The following MCC variants were observed in gnomAD, a reference collection of about 807,000 sequenced individuals.
MCC encodes MCC regulator of Wnt signaling pathway, also known as colorectal mutant cancer protein.
In MCC, 90 loss-of-function variants were observed where a neutral mutation model predicts 116.2. The observed-to-expected ratio is 0.77, with a 90% CI of 0.65 to 0.92. The LOEUF (loss-of-function observed/expected upper bound fraction) is 0.92, where lower values mean the gene tolerates loss of function less well. Among genes scored for constraint, MCC ranks in the 40% least tolerant of loss-of-function variants. The pLI, the probability that MCC is intolerant of heterozygous loss-of-function variation, is 0.00. For missense variants in MCC, 1,516 were observed against 1,312.2 expected (o/e 1.16, Z -2.40); for synonymous variants, 578 against 510.5 (o/e 1.13, Z -1.78).
chr5:113,420,562 A>C (rs1385835843), intron 1 of MCC, among the ~76,000 whole-genome samples: 5 of 152,234 alleles, frequency 3.3e-5, no homozygotes, highest in African/African-American at 9.6e-5. Flanking sequence ...ACAGATTCCC[A>C]AAACTGAAGT....
At chr5:113,063,938 G>A (rs1385668397) in intron 14 of MCC, 46 bp downstream of exon 14, 2 of 1,559,794 alleles carry the variant, frequency 1.3e-6, no homozygotes, top group Non-Finnish European at 1.7e-6. Context: ...GTGAACAGAT[G>A]CCATGTGGAC....
intron 1 of MCC, among the ~76,000 whole-genome samples, chr5:113,418,870 C>T (rs3846721): frequency 0.19 from 28,279 of 152,070 alleles, 3,167 homozygotes; most frequent in Admixed American, 0.31. Context: ...AGTTTCCATG[C>T]TGCATCAAGC....
At chr5:113,146,426 A>G (rs1256132547) in intron 4 of MCC, among the ~76,000 whole-genome samples, 1 of 150,826 alleles carries the variant, frequency 6.6e-6, no homozygotes, top group African/African-American at 2.4e-5. Flanking sequence ...CCATTTACCT[A>G]AAAATCTTGG....
intron 3 of MCC, among the ~76,000 whole-genome samples, chr5:113,221,775 G>C (rs1234711663): frequency 6.6e-6 from 1 of 152,112 alleles, no homozygotes; most frequent in African/African-American, 2.4e-5. Flanking sequence ...TGAACAATCA[G>C]AACTCCCGAT....
At chr5:113,069,881 C>G (rs960495157) in intron 12 of MCC, among the ~76,000 whole-genome samples, 1 of 152,226 alleles carries the variant, frequency 6.6e-6, no homozygotes, top group African/African-American at 2.4e-5. Flanking sequence ...CCACCGCGCC[C>G]AGCGTCAATT....
At chr5:113,253,170 C>T (rs988409834) in intron 3 of MCC, among the ~76,000 whole-genome samples, 15 of 152,274 alleles carry the variant, frequency 9.9e-5, no homozygotes, top group African/African-American at 3.4e-4. Context: ...TAAACCACAG[C>T]AGAGCTTGGG....
chr5:113,026,038 GAA>G lies in MCC; in HGVS notation c.*1262_*1263del, dbSNP rs923114632. 1 of 152,118 alleles carries G rather than the reference GAA, an allele frequency of 6.6e-6. No homozygotes were observed. The highest frequency in any genetic ancestry group is 2.4e-5 in the African/African-American group (1 of 41,402). The allele number at this position is 152,118 out of a possible 1,614,324, so 9.4% of individuals were successfully genotyped here. ...AGTGTATCAGTGTAGAACTGAGAGAGAAGAGGTAAAACTGAAAAAGAATAATG... is the reference window on the plus strand; with the variant it reads ...AGTGTATCAGTGTAGAACTGAGAGAGGAGGTAAAACTGAAAAAGAATAATG... On this transcript the variant is annotated 3_prime_UTR_variant, in exon 19 of 19. Coordinates refer to ENST00000408903, the MANE Select transcript of MCC (RefSeq NM_001085377.2).
chr5:113,052,238 T>C (rs1440903112), intron 15 of MCC, among the ~76,000 whole-genome samples: 1 of 152,172 alleles, frequency 6.6e-6, no homozygotes, highest in Non-Finnish European at 1.5e-5. Context: ...AGAAACACAA[T>C]GTTTGGAACA....
At position 113,240,313 on chromosome 5, in the gene MCC, G is replaced by C. The variant is rs560955044; in HGVS notation, c.628-88891C>G. On this transcript the variant is annotated intron_variant, in intron 3 of 18. Transcript: ENST00000408903. The stretch of plus-strand genomic sequence containing the variant: ...TCTAGCCATGGGTAAGTCACTCCTG[G>C]ACTTATATGAGCTAATATTATTATT... Among the ~76,000 whole-genome samples, 86 of 152,156 alleles carry C rather than the reference G, an allele frequency of 5.7e-4. 3 individuals are homozygous for C. Among genetic ancestry groups the C allele is most frequent in the African/African-American group, 1.9e-3 (77 of 41,508 alleles).
chr5:113,174,445 A>G (rs75792912), intron 3 of MCC, among the ~76,000 whole-genome samples: 6,423 of 152,244 alleles, frequency 0.042, 199 homozygotes, highest in African/African-American at 0.079. Flanking sequence ...TATTTATTAT[A>G]GCAGTATAAT....
intron 6 of MCC, among the ~76,000 whole-genome samples, chr5:113,116,583 A>T (rs79778386): frequency 6.6e-6 from 1 of 152,242 alleles, no homozygotes; most frequent in Non-Finnish European, 1.5e-5. Flanking sequence ...AATGCTGTAG[A>T]TTAATGCCTT....
Position 113,026,983 on chromosome 5 carries a change from C to T in MCC, c.*319G>A. 3.4e-6 allele frequency: 1 copy of T among 296,288 alleles called. No individual in the cohort carries two copies. 18.4% of individuals were successfully genotyped at this position (296,288 alleles called of 1,614,324 possible). On this transcript the variant is annotated 3_prime_UTR_variant, in exon 19 of 19. Coordinates refer to ENST00000408903, the MANE Select transcript of MCC (RefSeq NM_001085377.2). ...ACAAATGTCTGGGATCCCACTGATG[C>T]ACAGCCGCCAGACCAGAAGAGGAGG... is the stretch of plus-strand genomic sequence containing the variant.
intron 3 of MCC, among the ~76,000 whole-genome samples, chr5:113,247,030 A>G (rs1764606410): frequency 6.6e-6 from 1 of 152,200 alleles, no homozygotes; most frequent in Non-Finnish European, 1.5e-5. Context: ...TCCATTTCAG[A>G]GTCTGCTCTT....
chr5:113,049,307 C>A lies in MCC; in HGVS notation c.2449-8G>T, dbSNP rs7726296. On this transcript the variant is annotated splice_region_variant and splice_polypyrimidine_tract_variant and intron_variant, in intron 15 of 18. Transcript: ENST00000408903. ...CAACTCGGCCATCTCCTCCTACAGA[C>A]AAAGGAGCACAGAGCACATGAGGCA... 4 of 1,565,832 alleles carry A rather than the reference C, an allele frequency of 2.6e-6. No individual in the cohort carries two copies. Among genetic ancestry groups the A allele is most frequent in the Non-Finnish European group, 3.5e-6 (4 of 1,153,740 alleles).
At chr5:113,117,564 C>T (rs1581098183) in intron 6 of MCC, among the ~76,000 whole-genome samples, 1 of 152,218 alleles carries the variant, frequency 6.6e-6, no homozygotes, top group East Asian at 1.9e-4. Context: ...AAAAATTTCT[C>T]ACCCAAAATC....
intron 3 of MCC, among the ~76,000 whole-genome samples, chr5:113,306,062 C>T (rs1195753988): frequency 1.3e-5 from 2 of 152,116 alleles, no homozygotes; most frequent in Admixed American, 6.5e-5. Flanking sequence ...AAGTTTTATC[C>T]ATGTTGTATA....
intron 2 of MCC, among the ~76,000 whole-genome samples, chr5:113,349,541 A>G (rs1481562411): frequency 3.3e-5 from 5 of 152,088 alleles, no homozygotes; most frequent in Non-Finnish European, 7.4e-5. Flanking sequence ...GAAGGGATAT[A>G]CCTAAACATA....
intron 3 of MCC, among the ~76,000 whole-genome samples, chr5:113,278,725 G>C (rs1364087725): frequency 6.6e-6 from 1 of 152,178 alleles, no homozygotes; most frequent in African/African-American, 2.4e-5. Flanking sequence ...CGTGGCTGGA[G>C]ATATAGGTGG....
intron 3 of MCC, among the ~76,000 whole-genome samples, chr5:113,257,892 C>A (rs1765079926): frequency 6.6e-6 from 1 of 152,158 alleles, no homozygotes; most frequent in Non-Finnish European, 1.5e-5. Context: ...AACCAAACCT[C>A]TTCCATTACG....
Sources: allele counts gnomAD v4.1 joint callset (sites outside exome capture counted in the v4.1 genomes callset), GRCh38; gene constraint gnomAD v4.1.1; transcripts MANE v1.5; gene names NCBI Gene and HGNC (gene_info 2026-07-23, HGNC 2026-07-21).